The following BMPER variants were observed in gnomAD, a reference collection of about 807,000 sequenced individuals.
BMPER encodes the protein BMP binding endothelial regulator.
In BMPER, 45 loss-of-function variants were observed where a neutral mutation model predicts 87.3. The ratio of observed to expected loss-of-function variants is 0.52; its 90% CI spans 0.41 to 0.66. The LOEUF (loss-of-function observed/expected upper bound fraction) is 0.66, where lower values mean the gene tolerates loss of function less well. BMPER is among the 30% of genes least tolerant of loss of function. The probability of loss-of-function intolerance (pLI) is 0.00; values close to 1 mark genes in which losing one functional copy is unlikely to be tolerated. For missense variants in BMPER, 784 were observed against 867.5 expected (o/e 0.90, Z 1.21); for synonymous variants, 326 against 316.2 (o/e 1.03, Z -0.33).
At chr7:34,006,369 A>T (rs1257340638) in intron 6 of BMPER, among the ~76,000 whole-genome samples, 3 of 151,452 alleles carry the variant, frequency 2.0e-5, no homozygotes, top group Non-Finnish European at 4.4e-5. Flanking sequence ...TTTACTGTGT[A>T]TTAGTGAATC....
At chr7:34,019,952 T>G (rs1000248342) in intron 6 of BMPER, among the ~76,000 whole-genome samples, 4 of 149,866 alleles carry the variant, frequency 2.7e-5, no homozygotes, top group African/African-American at 9.9e-5. Context: ...TTAGAAGGTT[T>G]TTTTTTTTTT....
At chr7:34,118,799 G>A (rs1414427717) in intron 13 of BMPER, among the ~76,000 whole-genome samples, 3 of 152,170 alleles carry the variant, frequency 2.0e-5, no homozygotes, top group African/African-American at 7.2e-5. Context: ...TCATCCAATT[G>A]GTTGAAGGCC....
At chr7:34,138,998 T>C (rs1790796036) in intron 13 of BMPER, among the ~76,000 whole-genome samples, 1 of 152,236 alleles carries the variant, frequency 6.6e-6, no homozygotes, top group African/African-American at 2.4e-5. Flanking sequence ...CGATCTTCCA[T>C]AAACACAGAA....
Position 34,118,111 on chromosome 7 carries a change from C to T in BMPER, c.1746-25119C>T, listed in dbSNP as rs186916734. On this transcript the variant is annotated intron_variant, in intron 13 of 14. Transcript: ENST00000649409. ...CAGGCGGATTGCAAGGTCAGGAGTT[C>T]GAGACCAACATGGTGAAACCCCGTC... 4.9e-4 allele frequency among the ~76,000 whole-genome samples: 75 copies of T among 152,124 alleles called. No homozygotes were observed. The East Asian group carries it at 9.9e-3, about 20-fold the overall frequency.
chr7:34,103,159 G>T (rs904752992), intron 13 of BMPER, among the ~76,000 whole-genome samples: 54 of 152,110 alleles, frequency 3.6e-4, no homozygotes, highest in African/African-American at 1.2e-3. Flanking sequence ...AGGAAGAAGA[G>T]AAACTCCTAG....
intron 6 of BMPER, among the ~76,000 whole-genome samples, chr7:33,995,161 C>T (rs940049633): frequency 3.9e-5 from 6 of 151,998 alleles, no homozygotes; most frequent in African/African-American, 1.4e-4. Context: ...AAAGTCTTTA[C>T]TTATGATTGT....
intron 6 of BMPER, among the ~76,000 whole-genome samples, chr7:33,982,562 A>C (rs1235180009): frequency 6.6e-6 from 1 of 151,730 alleles, no homozygotes; most frequent in Non-Finnish European, 1.5e-5. Context: ...AGGGGCCTTC[A>C]ACTTGCTTAG....
At chr7:34,074,249 C>T (rs933404641) in intron 11 of BMPER, among the ~76,000 whole-genome samples, 1 of 152,184 alleles carries the variant, frequency 6.6e-6, no homozygotes, top group Non-Finnish European at 1.5e-5. Flanking sequence ...TCCACCCCCA[C>T]CCCCATACAT....
At chr7:33,932,890 C>G (rs1005046719) in intron 2 of BMPER, among the ~76,000 whole-genome samples, 1 of 152,164 alleles carries the variant, frequency 6.6e-6, no homozygotes, top group Non-Finnish European at 1.5e-5. Flanking sequence ...GGAAAGCACA[C>G]GAGAACGTTT....
Position 33,970,367 on chromosome 7 carries a change from T to C in BMPER, c.441T>C (p.Val147=), listed in dbSNP as rs1785511869. ...VVTESGVRCV[V]HCKNPLEHLG... is the part of the protein sequence containing the mutation. ...CAGAGTCTGGGGTGCGCTGTGTTGT[T>C]CATTGTAAAAACCCTTTGGAGCATC... Residue 147 remains valine, a synonymous_variant, in exon 5 of 15, where the codon GTT becomes GTC. Coordinates refer to ENST00000649409, the MANE Select transcript of BMPER (RefSeq NM_001365308.1). The C allele has an allele frequency of 1.9e-6, 3 of 1,614,034 alleles. No individual in the cohort carries two copies. The highest frequency in any genetic ancestry group is 2.2e-5 in the East Asian group (1 of 44,888).
chr7:33,959,351 G>A (rs1281947773), intron 3 of BMPER, among the ~76,000 whole-genome samples: 1 of 152,074 alleles, frequency 6.6e-6, no homozygotes, highest in Non-Finnish European at 1.5e-5. Context: ...CATCTTTGGA[G>A]GTGGCTTTTA....
chr7:34,035,863 G>C (rs1025592997), intron 6 of BMPER, among the ~76,000 whole-genome samples: 4 of 152,176 alleles, frequency 2.6e-5, no homozygotes, highest in Non-Finnish European at 4.4e-5. Context: ...AACTATTTTA[G>C]GTAGCCAGAA....
chr7:34,085,290 C>T (rs1445625216), intron 12 of BMPER, among the ~76,000 whole-genome samples: 4 of 152,162 alleles, frequency 2.6e-5, no homozygotes, highest in Non-Finnish European at 4.4e-5. Context: ...TGGAAATTTT[C>T]CTTTGGCATT....
rs60667742 is a variant in BMPER, at chr7:33,919,923, A to ATATCTGTCTATCTATCTATC, written c.219+13025_219+13026insGTCTATCTATCTATCTATCT. On this transcript the variant is annotated intron_variant, in intron 2 of 14. Coordinates refer to ENST00000649409, the MANE Select transcript of BMPER (RefSeq NM_001365308.1). ...TTTATAAGGTTATGTATCTGTGTACATATCTATCTATCTATCTATCTATCT... is the reference window on the plus strand; with the variant it reads ...TTTATAAGGTTATGTATCTGTGTACATATCTGTCTATCTATCTATCTATCTATCTATCTATCTATCTATCT... 9.7e-3 allele frequency among the ~76,000 whole-genome samples: 1,464 copies of ATATCTGTCTATCTATCTATC among 150,830 alleles called. 30 individuals carry two copies. Among genetic ancestry groups the ATATCTGTCTATCTATCTATC allele is most frequent in the African/African-American group, 0.034 (1,399 of 40,946 alleles).
chr7:34,034,753 G>A (rs533546672), intron 6 of BMPER, among the ~76,000 whole-genome samples: 1 of 152,300 alleles, frequency 6.6e-6, no homozygotes, highest in South Asian at 2.1e-4. Context: ...GAGAATACAG[G>A]CATCTGTGGT....
intron 13 of BMPER, among the ~76,000 whole-genome samples, chr7:34,142,690 A>G (rs1205948090): frequency 1.7e-4 from 26 of 152,320 alleles, no homozygotes. Context: ...TACAGAAGTG[A>G]ATTCTAATCG....
intron 13 of BMPER, among the ~76,000 whole-genome samples, chr7:34,107,355 G>A (rs749683427): frequency 1.5e-4 from 23 of 152,186 alleles, no homozygotes; most frequent in Non-Finnish European, 2.8e-4. Flanking sequence ...TGCCAATTTG[G>A]ATGAGCTTAT....
At chr7:33,994,376 C>T (rs1270011576) in intron 6 of BMPER, among the ~76,000 whole-genome samples, 2 of 152,188 alleles carry the variant, frequency 1.3e-5, no homozygotes, top group Admixed American at 6.5e-5. Flanking sequence ...GGGAGTGACC[C>T]GATTTTCCAG....
At chr7:34,015,505 A>G (rs1187837222) in intron 6 of BMPER, among the ~76,000 whole-genome samples, 1 of 151,946 alleles carries the variant, frequency 6.6e-6, no homozygotes, top group East Asian at 1.9e-4. Flanking sequence ...AATAGCTGGC[A>G]TATACACATG....
Sources: allele counts gnomAD v4.1 joint callset (sites outside exome capture counted in the v4.1 genomes callset), GRCh38; gene constraint gnomAD v4.1.1; transcripts MANE v1.5; gene names NCBI Gene and HGNC (gene_info 2026-07-23, HGNC 2026-07-21).